The following GASK1B variants were observed in gnomAD, a reference collection of about 807,000 sequenced individuals.
The protein encoded by GASK1B is Golgi-associated kinase 1B.
In GASK1B, 34 loss-of-function variants were observed where a neutral mutation model predicts 42.8. The observed-to-expected ratio is 0.79, with a 90% CI of 0.60 to 1.06. The LOEUF is 1.06. Ranked by LOEUF, GASK1B falls within the 50% of genes least tolerant of loss-of-function variation. The pLI is 0.00. For synonymous variants in GASK1B, 262 were observed against 259.1 expected (o/e 1.01, Z -0.11); for missense variants, 686 against 661.0 (o/e 1.04, Z -0.42).
At chr4:158,169,809 TC>T (rs1732386017) in intron 2 of GASK1B, 1 of 169,644 alleles carries the variant, frequency 5.9e-6, no homozygotes, top group Non-Finnish European at 1.3e-5. Flanking sequence ...AAAATGTTTG[TC>T]ACCCAAGACG....
At position 158,126,716 on chromosome 4, in the gene GASK1B, C is replaced by A. The variant is rs1207369591; in HGVS notation, c.*691G>T. 2 of 151,900 alleles carry A rather than the reference C, an allele frequency of 1.3e-5. No homozygotes were observed. Among genetic ancestry groups the A allele is most frequent in the Non-Finnish European group, 2.9e-5 (2 of 67,968 alleles). 9.4% of individuals were successfully genotyped at this position (151,900 alleles called of 1,614,324 possible). On this transcript the variant is annotated 3_prime_UTR_variant, in exon 5 of 5. Coordinates refer to ENST00000585682, the MANE Select transcript of GASK1B (RefSeq NM_001128424.2). ...AAATAGAGAGAGTAAAACTCTTTAA[C>A]ATATAAATTGTCAGATGTGAATGAT...
In GASK1B at chr4:158,170,588, C is replaced by G. The variant is rs1360645193; in HGVS notation, c.788G>C (p.Ser263Thr). Reference protein sequence around the residue: ...APGAVLRCGPSPCGLLKQPLD... With the variant: ...APGAVLRCGPTPCGLLKQPLD... The stretch of plus-strand genomic sequence containing the variant: ...GGGCTGCTTGAGAAGCCCACAGGGG[C>G]TAGGGCCACAGCGGAGCACAGCGCC... Residue 263 changes from serine (S) to threonine (T), a missense_variant, in exon 2 of 5, where the codon AGC (serine) becomes ACC (threonine). Physicochemically the swap from Ser to Thr is moderately conservative, Grantham distance 58. Coordinates refer to ENST00000585682, the MANE Select transcript of GASK1B (RefSeq NM_001128424.2). 2 of 1,614,024 alleles carry G rather than the reference C, an allele frequency of 1.2e-6. No individual in the cohort carries two copies. The highest frequency in any genetic ancestry group is 2.2e-5 in the South Asian group (2 of 91,088).
chr4:158,143,589 A>AT (rs1322082517), intron 3 of GASK1B, among the ~76,000 whole-genome samples: 1 of 152,184 alleles, frequency 6.6e-6, no homozygotes, highest in Admixed American at 6.5e-5. Context: ...GACAGGAATG[A>AT]TTTTGAGGAG....
At chr4:158,153,991 A>G (rs1731659487) in intron 3 of GASK1B, among the ~76,000 whole-genome samples, 1 of 152,066 alleles carries the variant, frequency 6.6e-6, no homozygotes, top group South Asian at 2.1e-4. Context: ...TGCAGCAACA[A>G]CAACAAAAAA....
At position 158,134,039 on chromosome 4, in the gene GASK1B, T is replaced by C. The variant is rs137930319; in HGVS notation, c.1126-3027A>G. Among the ~76,000 whole-genome samples the C allele has an allele frequency of 2.0e-5, 3 of 152,336 alleles. No homozygotes were observed. In the East Asian group the frequency reaches 5.8e-4, roughly 29 times the overall value. ...TATAGTAAATTACGTCTTTGTATTATTGCCCTTGTCTAGCAAGGGCTTACG... is the reference window on the plus strand; with the variant it reads ...TATAGTAAATTACGTCTTTGTATTACTGCCCTTGTCTAGCAAGGGCTTACG... On this transcript the variant is annotated intron_variant, in intron 3 of 4. Transcript: ENST00000585682.
Position 158,124,573 on chromosome 4 carries a change from G to A in GASK1B, c.*2834C>T, listed in dbSNP as rs1263466962. On this transcript the variant is annotated 3_prime_UTR_variant, in exon 5 of 5. Coordinates refer to ENST00000585682, the MANE Select transcript of GASK1B (RefSeq NM_001128424.2). The stretch of plus-strand genomic sequence containing the variant: ...TGACATAAACATAAGAATTTCATAA[G>A]ACAGTGTGTAAATAAATCTACTTCT... 1 of 152,096 alleles carries A rather than the reference G, an allele frequency of 6.6e-6. No homozygotes were observed. The highest frequency in any genetic ancestry group is 1.5e-5 in the Non-Finnish European group (1 of 68,020). The allele number at this position is 152,096 out of a possible 1,614,324, so 9.4% of individuals were successfully genotyped here.
intron 3 of GASK1B, among the ~76,000 whole-genome samples, chr4:158,146,833 C>T (rs1731348536): frequency 6.6e-6 from 1 of 152,202 alleles, no homozygotes; most frequent in South Asian, 2.1e-4. Context: ...TAGAATACTT[C>T]TCTTTGTCAT....
chr4:158,150,586 T>C (rs1463479561), intron 3 of GASK1B, among the ~76,000 whole-genome samples: 3 of 152,214 alleles, frequency 2.0e-5, no homozygotes, highest in Non-Finnish European at 4.4e-5. Flanking sequence ...GCAGACTACC[T>C]TGTTAACTTC....
chr4:158,147,800 G>A (rs991127743), intron 3 of GASK1B, among the ~76,000 whole-genome samples: 1 of 151,956 alleles, frequency 6.6e-6, no homozygotes, highest in African/African-American at 2.4e-5. Context: ...ATTGACAAAC[G>A]TTAATTTTCT....
Position 158,155,828 on chromosome 4 carries a change from A to G in GASK1B, c.911-3T>C, listed in dbSNP as rs76423004. ...AATGATGGGGCATGGGCGGCCATCT[A>G]TAGAATCAGAAAAACAAACACACTT... On this transcript the variant is annotated splice_polypyrimidine_tract_variant and splice_region_variant and intron_variant, in intron 2 of 4. Transcript: ENST00000585682. The G allele has an allele frequency of 1.5e-4, 246 of 1,612,942 alleles. 1 individual carries two copies. The East Asian group carries it at 5.2e-3, about 34-fold the overall frequency.
intron 3 of GASK1B, among the ~76,000 whole-genome samples, chr4:158,151,779 A>C (rs896044726): frequency 6.6e-6 from 1 of 152,224 alleles, no homozygotes; most frequent in African/African-American, 2.4e-5. Flanking sequence ...ACCAATAACA[A>C]GCAGTAGTAT....
chr4:158,164,450 A>G (rs1042017020), intron 2 of GASK1B, among the ~76,000 whole-genome samples: 2 of 152,176 alleles, frequency 1.3e-5, no homozygotes, highest in African/African-American at 2.4e-5. Flanking sequence ...TAGTGAGCAA[A>G]TAAGAGGACA....
Position 158,125,140 on chromosome 4 carries a change from T to C in GASK1B, c.*2267A>G, listed in dbSNP as rs1730402474. On this transcript the variant is annotated 3_prime_UTR_variant, in exon 5 of 5. Transcript: ENST00000585682. ...GAATTAAAAGCCTGGCCTTCGGCTA[T>C]CCATTAGTCAAAAATAATTCATCAT... 1 of 152,192 alleles carries C rather than the reference T, an allele frequency of 6.6e-6. No individual in the cohort carries two copies. The highest frequency in any genetic ancestry group is 1.5e-5 in the Non-Finnish European group (1 of 68,024). The allele number at this position is 152,192 out of a possible 1,614,324, so 9.4% of individuals were successfully genotyped here.
chr4:158,151,740 A>G (rs564583383), intron 3 of GASK1B, among the ~76,000 whole-genome samples: 1 of 152,330 alleles, frequency 6.6e-6, no homozygotes, highest in East Asian at 1.9e-4. Context: ...TCCTAGATTG[A>G]ACTAGGAAGA....
Position 158,170,572 on chromosome 4 carries a change from G to C in GASK1B, c.804C>G (p.Leu268=). 1 of 1,614,150 alleles carries C rather than the reference G, an allele frequency of 6.2e-7. No homozygotes were observed. Among genetic ancestry groups the C allele is most frequent in the Non-Finnish European group, 8.5e-7 (1 of 1,180,042 alleles). ...LRCGPSPCGL[L]KQPLDMSEVF... is the part of the protein sequence containing the mutation. ...CCTCACTCATGTCCAAGGGCTGCTTGAGAAGCCCACAGGGGCTAGGGCCAC... is the reference window on the plus strand; with the variant it reads ...CCTCACTCATGTCCAAGGGCTGCTTCAGAAGCCCACAGGGGCTAGGGCCAC... Residue 268 remains leucine, a synonymous_variant, in exon 2 of 5, where the codon CTC becomes CTG. Coordinates refer to ENST00000585682, the MANE Select transcript of GASK1B (RefSeq NM_001128424.2).
rs142241962 is a variant in GASK1B, at chr4:158,170,712, G to A, written c.664C>T (p.Arg222Ter). Residue 222 changes from arginine to a stop codon, truncating the protein, a stop_gained, in exon 2 of 5, where the codon CGA becomes TGA. Coordinates refer to ENST00000585682, the MANE Select transcript of GASK1B (RefSeq NM_001128424.2). LOFTEE classifies it high-confidence loss of function. Reference protein sequence around the residue: ...APSWLSKDDIRRMRLLADSAV... With the variant: ...APSWLSKDDI ...CTGTCCGCCAAGAGTCGCATTCTTCGGATGTCATCTTTGCTCAGCCAGGAG... is the reference window on the plus strand; with the variant it reads ...CTGTCCGCCAAGAGTCGCATTCTTCAGATGTCATCTTTGCTCAGCCAGGAG... The A allele has an allele frequency of 8.7e-5, 140 of 1,614,212 alleles. No individual in the cohort carries two copies. The African/African-American group carries it at 1.7e-3, about 20-fold the overall frequency.
At chr4:158,172,096 A>C (rs1732571315) in intron 1 of GASK1B, among the ~76,000 whole-genome samples, 1 of 152,200 alleles carries the variant, frequency 6.6e-6, no homozygotes, top group Non-Finnish European at 1.5e-5. Context: ...TTACATTGTT[A>C]GTATAATACA....
chr4:158,160,763 A>G (rs1362062099), intron 2 of GASK1B, among the ~76,000 whole-genome samples: 3 of 152,318 alleles, frequency 2.0e-5, no homozygotes, highest in South Asian at 4.1e-4. Context: ...ATAATGGAGT[A>G]CTATTATTCA....
intron 4 of GASK1B, 91 bp downstream of exon 4, chr4:158,130,695 A>G (rs1730641013): frequency 3.1e-6 from 3 of 960,340 alleles, no homozygotes; most frequent in Middle Eastern, 6.8e-4. Context: ...CAAGGGTTAA[A>G]ATGATCAGAT....
Sources: gnomAD v4.1 joint callset for allele counts (sites outside exome capture counted in the v4.1 genomes callset) on GRCh38, gnomAD v4.1.1 for gene constraint, MANE v1.5 for transcripts, NCBI Gene and HGNC (gene_info 2026-07-23, HGNC 2026-07-21) for gene names.